PMFBP1: variants seen among roughly 807,000 people sequenced by gnomAD.
PMFBP1 encodes the protein polyamine modulated factor 1 binding protein 1, also known as polyamine-modulated factor 1-binding protein 1.
In PMFBP1, 131 loss-of-function variants were observed where a neutral mutation model predicts 137.8. The observed-to-expected ratio is 0.95, with a 90% CI of 0.82 to 1.10. PMFBP1 has a LOEUF of 1.10. PMFBP1 is among the 50% of genes least tolerant of loss of function. The pLI is 0.00. For missense variants in PMFBP1, 1,199 were observed against 1,175.4 expected, an observed-to-expected ratio of 1.02 and a Z score of -0.29; for synonymous variants, 490 against 450.4, an observed-to-expected ratio of 1.09 and a Z score of -1.11.
At chr16:72,189,171 A>G in the PMFBP1 span, among the ~76,000 whole-genome samples, 1 of 152,092 alleles carries the variant, frequency 6.6e-6, no homozygotes, top group Admixed American at 6.5e-5. Context: ...AGAGGCAGAC[A>G]CTATTATTAT....
At position 72,150,959 on chromosome 16, in the gene PMFBP1, G is replaced by T. The variant is rs902852619; in HGVS notation, c.415-130C>A. The T allele has an allele frequency of 1.3e-5, 10 of 757,526 alleles. No individual in the cohort carries two copies. In the African/African-American group the frequency reaches 1.4e-4, roughly 10 times the overall value. 46.9% of individuals were successfully genotyped at this position (757,526 alleles called of 1,614,324 possible). On this transcript the variant is annotated intron_variant, in intron 4 of 20. Coordinates refer to ENST00000237353, the MANE Select transcript of PMFBP1 (RefSeq NM_031293.3). ...AGACCAGATGAACAGAAGAGAGGCT[G>T]CACAGATCTAAAAGCTACAGTATGT...
chr16:72,193,150 G>A, the PMFBP1 span, among the ~76,000 whole-genome samples: 1 of 152,124 alleles, frequency 6.6e-6, no homozygotes, highest in Non-Finnish European at 1.5e-5. Flanking sequence ...ACTATGGGAG[G>A]CTGTGGTGAG....
At chr16:72,118,473 C>G (rs915036495), downstream of PMFBP1, among the ~76,000 whole-genome samples, 2 of 152,206 alleles carry the variant, frequency 1.3e-5, no homozygotes, top group African/African-American at 4.8e-5. Context: ...ATTGAAGAAT[C>G]ATTGCTAACC....
chr16:72,206,845 G>T, the PMFBP1 span, among the ~76,000 whole-genome samples: 2 of 152,234 alleles, frequency 1.3e-5, no homozygotes, highest in South Asian at 2.1e-4. Flanking sequence ...TGTGAATCAT[G>T]TTATCACCCA....
intron 3 of PMFBP1, among the ~76,000 whole-genome samples, chr16:72,163,002 G>C (rs2043086932): frequency 1.3e-5 from 2 of 152,218 alleles, no homozygotes; most frequent in African/African-American, 4.8e-5. Context: ...AGTATTTCTA[G>C]GACATTGCAG....
chr16:72,128,189 C>T (rs116880355), intron 14 of PMFBP1, among the ~76,000 whole-genome samples: 7 of 152,250 alleles, frequency 4.6e-5, no homozygotes, highest in East Asian at 3.9e-4. Context: ...CTTAAGTGGA[C>T]GACAAATAAA....
At chr16:72,211,787 G>A in the PMFBP1 span, among the ~76,000 whole-genome samples, 1 of 152,122 alleles carries the variant, frequency 6.6e-6, no homozygotes, top group Non-Finnish European at 1.5e-5. Flanking sequence ...TTGAGCTCAG[G>A]AGTTCGAGAG....
chr16:72,173,770 A>G (rs1007682671), upstream of PMFBP1, among the ~76,000 whole-genome samples: 85 of 152,374 alleles, frequency 5.6e-4, 1 homozygote, highest in African/African-American at 1.8e-3. Flanking sequence ...GAACCTTCAC[A>G]GTGCTGTCTG....
the PMFBP1 span, among the ~76,000 whole-genome samples, chr16:72,219,584 T>A: frequency 6.6e-6 from 1 of 151,908 alleles, no homozygotes; most frequent in African/African-American, 2.4e-5. Context: ...ATGGAAAACA[T>A]GAGTGAGGAG....
Position 72,130,291 on chromosome 16 carries a change from C to A in PMFBP1, c.1704G>T (p.Lys568Asn), listed in dbSNP as rs1275956456. The A allele has an allele frequency of 6.2e-7, 1 of 1,614,192 alleles. No homozygotes were observed. Among genetic ancestry groups the A allele is most frequent in the Middle Eastern group, 1.6e-4 (1 of 6,062 alleles). ...EALRKLENSDKEKRQLQKTVA... is the reference protein window; with the variant it reads ...EALRKLENSDNEKRQLQKTVA... ...CTGTCTTCTGAAGCTGCCTCTTTTC[C>A]TTGTCTGAATTTTCAAGCTTCCTCA... Residue 568 changes from lysine (K) to asparagine (N), a missense_variant, in exon 12 of 21, where the codon AAG becomes AAT. Lys to Asn is a moderately conservative substitution (Grantham distance 94, BLOSUM62 0). Coordinates refer to ENST00000237353, the MANE Select transcript of PMFBP1 (RefSeq NM_031293.3).
the PMFBP1 span, among the ~76,000 whole-genome samples, chr16:72,191,110 C>T: frequency 1.3e-5 from 2 of 152,156 alleles, no homozygotes; most frequent in Non-Finnish European, 2.9e-5. Flanking sequence ...CTGCCCGAGG[C>T]CTTGAGGTAA....
the PMFBP1 span, among the ~76,000 whole-genome samples, chr16:72,184,969 C>A: frequency 1.3e-5 from 2 of 152,170 alleles, no homozygotes; most frequent in East Asian, 3.9e-4. Context: ...CCATTGCTCT[C>A]AAGGTAAAGT....
chr16:72,214,375 C>A, the PMFBP1 span, among the ~76,000 whole-genome samples: 19 of 152,162 alleles, frequency 1.2e-4, no homozygotes, highest in African/African-American at 4.1e-4. Context: ...CGGGGTTTTG[C>A]CACGTTAGCC....
At chr16:72,243,260 T>C in the PMFBP1 span, among the ~76,000 whole-genome samples, 1 of 152,190 alleles carries the variant, frequency 6.6e-6, no homozygotes, top group African/African-American at 2.4e-5. Context: ...AATAGTGATG[T>C]TATGTGCTGT....
the PMFBP1 span, among the ~76,000 whole-genome samples, chr16:72,203,745 G>A: frequency 1.3e-5 from 2 of 152,222 alleles, no homozygotes; most frequent in African/African-American, 4.8e-5. Context: ...TCTAGTGTCT[G>A]TTTCTTCAGC....
chr16:72,132,785 G>C lies in PMFBP1; in HGVS notation c.1410C>G (p.Asn470Lys), dbSNP rs752767541. 6.2e-7 allele frequency: 1 copy of C among 1,614,190 alleles called. No homozygotes were observed. The highest frequency in any genetic ancestry group is 1.1e-5 in the South Asian group (1 of 91,082). The change falls in exon 10 of 21, where the codon AAC becomes AAG. Residue 470 changes from asparagine (N) to lysine (K), a missense_variant. By Grantham distance (94) the Asn-to-Lys change is moderately conservative. Coordinates refer to ENST00000237353, the MANE Select transcript of PMFBP1 (RefSeq NM_031293.3). ...ALQAEVQKLKNSLEEAKQQER... is the reference protein window; with the variant it reads ...ALQAEVQKLKKSLEEAKQQER... ...CCTGCTGCTTGGCCTCTTCGAGACT[G>C]TTCTTCAGCTTCTGGACCTCAGCCT...
At chr16:72,216,076 T>C in the PMFBP1 span, among the ~76,000 whole-genome samples, 11 of 152,306 alleles carry the variant, frequency 7.2e-5, no homozygotes, top group South Asian at 2.3e-3. Context: ...GGAGGTGGGA[T>C]ATACCCCTTC....
At chr16:72,150,495 G>C in intron 5 of PMFBP1, 113 bp downstream of exon 5, 1 of 986,188 alleles carries the variant, frequency 1.0e-6, no homozygotes, top group Non-Finnish European at 1.6e-6. Context: ...AGGGCAGGAA[G>C]TGACATCTGG....
the PMFBP1 span, among the ~76,000 whole-genome samples, chr16:72,195,316 C>T: frequency 6.6e-6 from 1 of 152,064 alleles, no homozygotes; most frequent in East Asian, 1.9e-4. Context: ...ATCTTCCTTC[C>T]TTCCCCCTCT....
Sources: allele counts gnomAD v4.1 joint callset (sites outside exome capture counted in the v4.1 genomes callset), GRCh38; gene constraint gnomAD v4.1.1; transcripts MANE v1.5; gene names NCBI Gene and HGNC (gene_info 2026-07-23, HGNC 2026-07-21).